Variants in PCDHGB2 observed in about 807,000 individuals in gnomAD.
The protein encoded by PCDHGB2 is protocadherin gamma-B2.
PCDHGB2 carries 55 observed loss-of-function variants against 59.3 expected under a neutral mutation model. The ratio of observed to expected loss-of-function variants is 0.93; its 90% confidence interval spans 0.75 to 1.16. The LOEUF is 1.16. Ranked by LOEUF, PCDHGB2 falls within the 50% of genes most tolerant of loss-of-function variation. PCDHGB2 has a pLI of 0.00. For synonymous variants in PCDHGB2, 516 were observed against 512.0 expected, an observed-to-expected ratio of 1.01 and a Z score of -0.11; for missense variants, 1,228 against 1,198.5, an observed-to-expected ratio of 1.02 and a Z score of -0.36.
chr5:141,420,176 C>CA (rs1162032152), intron 1 of PCDHGB2: 5 of 1,613,874 alleles, frequency 3.1e-6, no homozygotes, highest in Non-Finnish European at 4.2e-6. Flanking sequence ...ATCTGTTGAT[C>CA]ATTGTCCAGC....
In PCDHGB2 at chr5:141,478,182, A is replaced by T. The variant is rs777228133; in HGVS notation, c.2422-16625A>T. The T allele has an allele frequency of 5.0e-6, 8 of 1,613,866 alleles. No individual in the cohort carries two copies. In the South Asian group the frequency reaches 8.8e-5, roughly 18 times the overall value. ...TCTGCCCCCCGGGAGCAGAAAAAAA[A>T]TCTCACCTTTTATCTACTTCTTTCT... is the stretch of plus-strand genomic sequence containing the variant. On this transcript the variant is annotated intron_variant, in intron 1 of 3. Transcript: ENST00000522605.
In PCDHGB2 at chr5:141,431,253, ACT is replaced by A. The variant is rs757246289; in HGVS notation, c.2422-63549_2422-63548del. On this transcript the variant is annotated intron_variant, in intron 1 of 3. Coordinates refer to ENST00000522605, the MANE Select transcript of PCDHGB2 (RefSeq NM_018923.3). This position sits in a 1 kb window ranked among gnomAD's most constrained non-coding sequence, Gnocchi z 4.8. ...GCCTGGGATCCGGATATCGGGAAGA[ACT>A]CTCTGCAGAGCTACGAGCTCAGCCC... 2.2e-5 allele frequency: 35 copies of A among 1,614,014 alleles called. No individual in the cohort carries two copies. In the South Asian group the frequency reaches 3.1e-4, roughly 14 times the overall value.
chr5:141,407,125 T>C (rs1367266686), intron 1 of PCDHGB2, among the ~76,000 whole-genome samples: 1 of 152,254 alleles, frequency 6.6e-6, no homozygotes, highest in Non-Finnish European at 1.5e-5. Context: ...TTCAGTTGCT[T>C]TATTTTTAAG....
chr5:141,370,936 T>C (rs1410454711), intron 1 of PCDHGB2: 1 of 1,613,960 alleles, frequency 6.2e-7, no homozygotes, highest in South Asian at 1.1e-5. Flanking sequence ...TTCTCTTTGA[T>C]TCAGAAGGAG....
chr5:141,472,505 A>G (rs1041224118), intron 1 of PCDHGB2, among the ~76,000 whole-genome samples: 4 of 152,004 alleles, frequency 2.6e-5, no homozygotes, highest in African/African-American at 7.3e-5. Context: ...GTGCCACTGC[A>G]CTCCAGCCTG....
Position 141,476,437 on chromosome 5 carries a change from TCTGGAGTTGGTAGTGGAGAACCC to T in PCDHGB2, c.2422-18369_2422-18347del. ...GGACACTGCCCTCTTGCACTGTAAC[TCTGGAGTTGGTAGTGGAGAACCC>T]GCTGGAGCTGTTCAGCGTGGAAGTG... On this transcript the variant is annotated intron_variant, in intron 1 of 3. Transcript: ENST00000522605. The surrounding 1 kb of genome is among the most constrained non-coding windows in gnomAD (Gnocchi z 7.6). 1 of 1,614,004 alleles carries T rather than the reference TCTGGAGTTGGTAGTGGAGAACCC, an allele frequency of 6.2e-7. No individual in the cohort carries two copies. The highest frequency in any genetic ancestry group is 2.2e-5 in the East Asian group (1 of 44,836).
chr5:141,478,826 G>A, intron 1 of PCDHGB2: 2 of 1,439,244 alleles, frequency 1.4e-6, no homozygotes, highest in Non-Finnish European at 1.8e-6. Context: ...AACCAATCTT[G>A]CTAAGGGATG....
intron 2 of PCDHGB2, among the ~76,000 whole-genome samples, chr5:141,503,963 C>T (rs900066192): frequency 7.2e-5 from 11 of 152,188 alleles, no homozygotes; most frequent in Admixed American, 6.5e-4. Flanking sequence ...ACAGCCTTTC[C>T]CATGGTGCCA....
Position 141,362,499 on chromosome 5 carries a change from A to G in PCDHGB2, c.2364A>G (p.Glu788=), listed in dbSNP as rs1307285614. The G allele has an allele frequency of 1.2e-6, 2 of 1,614,042 alleles. No individual in the cohort carries two copies. The highest frequency in any genetic ancestry group is 2.2e-5 in the East Asian group (1 of 44,878). Residue 788 remains glutamate, a synonymous_variant, in exon 1 of 4, where the codon GAA becomes GAG. Coordinates refer to ENST00000522605, the MANE Select transcript of PCDHGB2 (RefSeq NM_018923.3). ...TCGTCTGTGACAATGCCTCTTGGGA[A>G]CAAAATACAAATCATGGAGCCGCTG... ...QDLVCDNASW[E]QNTNHGAAGV...
intron 2 of PCDHGB2, among the ~76,000 whole-genome samples, chr5:141,500,838 GGCTTTT>G (rs2099802886): frequency 6.6e-6 from 1 of 151,878 alleles, no homozygotes. Flanking sequence ...AATGCTAATG[GGCTTTT>G]GCTACATTAG....
intron 1 of PCDHGB2, among the ~76,000 whole-genome samples, chr5:141,433,497 C>G (rs2097615154): frequency 6.6e-6 from 1 of 152,076 alleles, no homozygotes; most frequent in Non-Finnish European, 1.5e-5. Flanking sequence ...CCCTCCCAAA[C>G]TGCTGGGATT....
intron 1 of PCDHGB2, chr5:141,393,177 G>A (rs1330463387): frequency 6.2e-7 from 1 of 1,613,292 alleles, no homozygotes; most frequent in South Asian, 1.1e-5. Flanking sequence ...GGTAGAAATA[G>A]AAATAATTGA....
Position 141,375,262 on chromosome 5 carries a change from A to C in PCDHGB2, c.2421+12706A>C, listed in dbSNP as rs781354981. The C allele has an allele frequency of 3.1e-6, 5 of 1,613,914 alleles. No individual in the cohort carries two copies. In the South Asian group the frequency reaches 5.5e-5, roughly 18 times the overall value. On this transcript the variant is annotated intron_variant, in intron 1 of 3. Coordinates refer to ENST00000522605, the MANE Select transcript of PCDHGB2 (RefSeq NM_018923.3). Reference sequence around the variant, plus strand: ...CCATCCCGAGAAGTCTCCCATTTGAATTGGAAAAATCAGTTGGCAATTATT... The same window carrying C: ...CCATCCCGAGAAGTCTCCCATTTGACTTGGAAAAATCAGTTGGCAATTATT...
chr5:141,385,108 A>G, intron 1 of PCDHGB2: 3 of 1,614,126 alleles, frequency 1.9e-6, no homozygotes. Context: ...GAACGTGCCC[A>G]CCTCGCACTT....
Position 141,361,448 on chromosome 5 carries a change from T to C in PCDHGB2, c.1313T>C (p.Val438Ala). ...CCGCCCCTCTCCTCCAGCATAATTG[T>C]CACCCTGCACATCTCCGACGTCAAC... The part of the protein sequence containing the change: ...GKPPLSSSII[V>A]TLHISDVNDN... The change falls in exon 1 of 4, where the codon GTC becomes GCC. Residue 438 changes from valine (V) to alanine (A), a missense_variant. Around this residue, in one of 3 missense-constraint regions of PCDHGB2, gnomAD observed 781 missense variants for 721.6 expected, o/e 1.08. Transcript: ENST00000522605. The C allele has an allele frequency of 6.2e-7, 1 of 1,614,014 alleles. No individual in the cohort carries two copies. The highest frequency in any genetic ancestry group is 8.5e-7 in the Non-Finnish European group (1 of 1,179,892).
At chr5:141,402,120 T>C (rs17097267) in intron 1 of PCDHGB2, among the ~76,000 whole-genome samples, 16,890 of 152,168 alleles carry the variant, frequency 0.11, 1,101 homozygotes, top group African/African-American at 0.17. Context: ...TGTGAAAATT[T>C]CCAACTTTAA....
At chr5:141,404,865 T>C (rs1308625182) in intron 1 of PCDHGB2, 12 of 1,613,552 alleles carry the variant, frequency 7.4e-6, no homozygotes, top group Non-Finnish European at 1.0e-5. Flanking sequence ...AGAGATGCGC[T>C]CAAACAGAGC....
At chr5:141,410,914 C>T (rs1399369063) in intron 1 of PCDHGB2, 4 of 246,122 alleles carry the variant, frequency 1.6e-5, no homozygotes, top group Admixed American at 6.8e-5. Context: ...AGTGCAGTGG[C>T]GTGATCTCTG....
intron 1 of PCDHGB2, chr5:141,478,174 G>GA (rs1156842877): frequency 3.7e-6 from 6 of 1,613,692 alleles, no homozygotes; most frequent in South Asian, 1.1e-5. Context: ...CCCGGGAGCA[G>GA]AAAAAAAATC....
Sources: gnomAD v4.1 joint callset for allele counts (sites outside exome capture counted in the v4.1 genomes callset) on GRCh38, gnomAD v4.1.1 for gene constraint, gnomAD v4.1.1 regional missense constraint, Gnocchi (gnomAD v3.1) non-coding constraint, MANE v1.5 for transcripts, NCBI Gene and HGNC (gene_info 2026-07-23, HGNC 2026-07-21) for gene names.